The following DSE variants were observed in gnomAD, a reference collection of about 807,000 sequenced individuals.
DSE encodes the protein dermatan-sulfate epimerase.
In DSE, 36 loss-of-function variants were observed where a neutral mutation model predicts 84.4. The observed-to-expected ratio is 0.43, with a 90% CI of 0.33 to 0.56. The LOEUF is 0.56. Ranked by LOEUF, DSE falls within the 20% of genes least tolerant of loss-of-function variation. The pLI is 0.06. For missense variants in DSE, 862 were observed against 1,169.6 expected (o/e 0.74, Z 3.84); for synonymous variants, 410 against 430.1 (o/e 0.95, Z 0.58).
chr6:116,365,218 C>T (rs969598250), intron 2 of DSE, among the ~76,000 whole-genome samples: 12 of 152,008 alleles, frequency 7.9e-5, no homozygotes, highest in African/African-American at 2.9e-4. Flanking sequence ...CTCAAACTTT[C>T]TAATTTGGTT....
At chr6:116,370,084 G>A, upstream of DSE, 1 of 609,772 alleles carries the variant, frequency 1.6e-6, no homozygotes, top group South Asian at 1.8e-5. Flanking sequence ...GGCTGAGCGT[G>A]TTTGAGCAGT....
At chr6:116,291,662 T>G (rs889739099) in intron 2 of DSE, among the ~76,000 whole-genome samples, 1 of 151,990 alleles carries the variant, frequency 6.6e-6, no homozygotes, top group African/African-American at 2.4e-5. Context: ...GGGATTGACA[T>G]GGACAGTGTC....
At chr6:116,374,830 T>C (rs1779823196) in intron 1 of DSE, among the ~76,000 whole-genome samples, 1 of 152,206 alleles carries the variant, frequency 6.6e-6, no homozygotes, top group Non-Finnish European at 1.5e-5. Flanking sequence ...TAATCATTCA[T>C]GAGGGTAGAG....
chr6:116,329,087 A>G (rs1236820083), intron 2 of DSE, among the ~76,000 whole-genome samples: 1 of 152,222 alleles, frequency 6.6e-6, no homozygotes, highest in Non-Finnish European at 1.5e-5. Flanking sequence ...GCAGTTGCTG[A>G]AATTTAACAA....
intron 2 of DSE, among the ~76,000 whole-genome samples, chr6:116,424,336 A>G (rs1320311030): frequency 6.6e-6 from 1 of 152,266 alleles, no homozygotes; most frequent in Non-Finnish European, 1.5e-5. Flanking sequence ...TGGCAAGCTG[A>G]CTGGCTAGAG....
chr6:116,433,189 G>T (rs1783950394), intron 4 of DSE, 154 bp from the exon 5 acceptor site: 1 of 731,114 alleles, frequency 1.4e-6, no homozygotes, highest in Admixed American at 2.8e-5. Flanking sequence ...TAACTGGTCT[G>T]GAATAAAATG....
rs948148818 is a variant in DSE at position 116,262,141 on chromosome 6, A to AT, written c.-54+3182dup. On this transcript the variant is annotated intron_variant, in intron 2 of 3. Transcript: ENST00000430252. ...AGTTAGGGAGGATTCCCTCCTTTTC[A>AT]TTTTTTTTGGAATAATTTCAGTAGG... is the stretch of plus-strand genomic sequence containing the variant. Among the ~76,000 whole-genome samples the AT allele has an allele frequency of 9.7e-4, 147 of 151,926 alleles. 1 individual carries two copies. The highest frequency in any genetic ancestry group is 3.5e-3 in the African/African-American group (143 of 41,444).
At chr6:116,321,361 TG>T (rs71012332) in intron 2 of DSE, among the ~76,000 whole-genome samples, 34,614 of 148,444 alleles carry the variant, frequency 0.23, 5,429 homozygotes, top group Non-Finnish European at 0.36. Flanking sequence ...TTGGTAGGGA[TG>T]GGGGTCTTGC....
chr6:116,435,639 C>T lies in DSE; in HGVS notation c.1171C>T (p.Leu391=). Residue 391 remains leucine (L), a synonymous_variant, in exon 6 of 6, where the codon CTG becomes TTG. Coordinates refer to ENST00000644252, the MANE Select transcript of DSE (RefSeq NM_013352.4). ...TCCTCCAGACTTTGGCACCCCTACA[C>T]TGCATTATTTTGAAGACTGGGGTGT... is the stretch of plus-strand genomic sequence containing the variant. The part of the protein sequence containing the change: ...VPPPDFGTPT[L]HYFEDWGVVT... The T allele has an allele frequency of 6.2e-7, 1 of 1,613,634 alleles. No homozygotes were observed. The highest frequency in any genetic ancestry group is 8.5e-7 in the Non-Finnish European group (1 of 1,179,680).
chr6:116,383,931 G>T (rs1172991957), intron 1 of DSE, among the ~76,000 whole-genome samples: 1 of 152,008 alleles, frequency 6.6e-6, no homozygotes, highest in Non-Finnish European at 1.5e-5. Flanking sequence ...ACCATATTAA[G>T]TTTTTTTTAG....
At chr6:116,333,124 G>A (rs1337540760) in intron 2 of DSE, among the ~76,000 whole-genome samples, 2 of 152,094 alleles carry the variant, frequency 1.3e-5, no homozygotes, top group African/African-American at 4.8e-5. Flanking sequence ...CAATGAAAAC[G>A]GAATAGAATT....
intron 1 of DSE, among the ~76,000 whole-genome samples, chr6:116,374,137 A>G (rs909123269): frequency 6.6e-6 from 1 of 151,644 alleles, no homozygotes; most frequent in African/African-American, 2.4e-5. Context: ...GCAAGCTCCA[A>G]CCTGTTGAGG....
At chr6:116,413,665 G>A (rs945247450) in intron 2 of DSE, among the ~76,000 whole-genome samples, 1 of 152,144 alleles carries the variant, frequency 6.6e-6, no homozygotes, top group Non-Finnish European at 1.5e-5. Flanking sequence ...ATTTTATGAA[G>A]CTCTGCATAA....
At chr6:116,278,454 C>T in intron 2 of DSE, 5 of 1,609,526 alleles carry the variant, frequency 3.1e-6, no homozygotes, top group Non-Finnish European at 4.2e-6. Context: ...TGCTGATGCC[C>T]AAGCACAGGT....
intron 1 of DSE, among the ~76,000 whole-genome samples, chr6:116,395,063 T>C (rs1781151937): frequency 6.6e-6 from 1 of 152,262 alleles, no homozygotes; most frequent in Admixed American, 6.5e-5. Flanking sequence ...AAGTTCAGAC[T>C]TATTTCTCCA....
At chr6:116,368,524 T>G (rs1779297146), upstream of DSE, among the ~76,000 whole-genome samples, 1 of 152,230 alleles carries the variant, frequency 6.6e-6, no homozygotes, top group South Asian at 2.1e-4. Context: ...AACACTGCAT[T>G]GAGTGTAGTT....
At chr6:116,356,358 A>G (rs978266806) in intron 2 of DSE, among the ~76,000 whole-genome samples, 2 of 152,222 alleles carry the variant, frequency 1.3e-5, no homozygotes, top group African/African-American at 4.8e-5. Context: ...ACATGTGGCT[A>G]TTGGCCACTT....
rs1775715954 is a variant in DSE, at chr6:116,311,919, G to GC, written c.-54+52953dup. Reference sequence around the variant, plus strand: ...CAGGGACTTGACAGTCTTATTTGCCGCTGCATTCCCAGGGCCTCCAACAGT... The same window carrying GC: ...CAGGGACTTGACAGTCTTATTTGCCGCCTGCATTCCCAGGGCCTCCAACAGT... On this transcript the variant is annotated intron_variant, in intron 2 of 3. Transcript: ENST00000430252. Among the ~76,000 whole-genome samples the GC allele has an allele frequency of 3.9e-5, 6 of 152,074 alleles. No homozygotes were observed. The South Asian group carries it at 1.2e-3, about 32-fold the overall frequency.
At chr6:116,395,219 A>T (rs1469942600) in intron 1 of DSE, among the ~76,000 whole-genome samples, 1 of 151,818 alleles carries the variant, frequency 6.6e-6, no homozygotes, top group Non-Finnish European at 1.5e-5. Flanking sequence ...AGGTCAAGAG[A>T]GCGAGACCAT....
Sources: gnomAD v4.1 joint callset for allele counts (sites outside exome capture counted in the v4.1 genomes callset) on GRCh38, gnomAD v4.1.1 for gene constraint, MANE v1.5 for transcripts, NCBI Gene and HGNC (gene_info 2026-07-23, HGNC 2026-07-21) for gene names.